Variants in HTR2A observed in about 807,000 individuals in gnomAD.
HTR2A encodes 5-hydroxytryptamine receptor 2A.
A neutral mutation model predicts 31.0 loss-of-function variants in HTR2A; 14 were observed. That is an observed-to-expected ratio of 0.45 (90% CI 0.30 to 0.71). HTR2A has a LOEUF of 0.71. Among genes scored for constraint, HTR2A ranks in the 30% least tolerant of loss-of-function variants. The probability of loss-of-function intolerance (pLI) is 0.09; values close to 1 mark genes in which losing one functional copy is unlikely to be tolerated. For synonymous variants in HTR2A, 209 were observed against 225.2 expected (o/e 0.93, Z 0.64); for missense variants, 442 against 573.3 (o/e 0.77, Z 2.34).
At chr13:46,852,674 T>G (rs549506211) in intron 3 of HTR2A, among the ~76,000 whole-genome samples, 1 of 152,308 alleles carries the variant, frequency 6.6e-6, no homozygotes, top group African/African-American at 2.4e-5. Context: ...TGTAGACAGG[T>G]GGGGTGAAAT....
intron 3 of HTR2A, among the ~76,000 whole-genome samples, chr13:46,864,054 T>C (rs1049918804): frequency 5.3e-5 from 8 of 152,190 alleles, no homozygotes; most frequent in African/African-American, 1.7e-4. Context: ...AAAGAAAATG[T>C]GGTACATATA....
chr13:46,860,812 GC>G (rs1950773402), intron 3 of HTR2A, among the ~76,000 whole-genome samples: 1 of 152,126 alleles, frequency 6.6e-6, no homozygotes, highest in South Asian at 2.1e-4. Flanking sequence ...ATTAAGATTT[GC>G]TAATGGTTTT....
chr13:46,854,830 A>G (rs1408403434), intron 3 of HTR2A, among the ~76,000 whole-genome samples: 1 of 152,208 alleles, frequency 6.6e-6, no homozygotes, highest in Non-Finnish European at 1.5e-5. Context: ...TGTCCCCTCA[A>G]ATGATCCCCA....
chr13:46,897,280 A>T (rs1951112356), upstream of HTR2A, among the ~76,000 whole-genome samples: 1 of 152,172 alleles, frequency 6.6e-6, no homozygotes, highest in South Asian at 2.1e-4. Flanking sequence ...TTTAGGCTGA[A>T]GGGTGAAGAG....
intron 3 of HTR2A, among the ~76,000 whole-genome samples, chr13:46,850,985 G>T (rs2138199258): frequency 6.6e-6 from 1 of 152,292 alleles, no homozygotes; most frequent in South Asian, 2.1e-4. Context: ...ACCTATAGAT[G>T]ATTTCTGGGG....
intron 3 of HTR2A, among the ~76,000 whole-genome samples, chr13:46,888,470 G>A (rs1186421714): frequency 4.8e-5 from 7 of 147,026 alleles, no homozygotes; most frequent in African/African-American, 7.5e-5. Flanking sequence ...ATGAAGTGCT[G>A]AAAAAAAAAA....
At chr13:46,866,875 A>G (rs1950822386) in intron 3 of HTR2A, among the ~76,000 whole-genome samples, 1 of 152,104 alleles carries the variant, frequency 6.6e-6, no homozygotes, top group Non-Finnish European at 1.5e-5. Context: ...AAAAATACAA[A>G]GATTAGCTGG....
rs560513540 is a variant in HTR2A, at chr13:46,882,377, T to A, written c.613+10013A>T. Among the ~76,000 whole-genome samples, 3 of 152,326 alleles carry A rather than the reference T, an allele frequency of 2.0e-5. No individual in the cohort carries two copies. In the South Asian group the frequency reaches 6.2e-4, roughly 32 times the overall value. On this transcript the variant is annotated intron_variant, in intron 3 of 3. Transcript: ENST00000542664. The stretch of plus-strand genomic sequence containing the variant: ...TGCAGTAGATGGCAAAGGTGGTATA[T>A]GAAGTCTATGGGGAAACAAATGATG...
chr13:46,833,368 C>CTT lies in HTR2A; in HGVS notation c.*1467_*1468dup, dbSNP rs138503618. On this transcript the variant is annotated 3_prime_UTR_variant, in exon 4 of 4. Transcript: ENST00000542664. ...GTTTAGTCATTTTCTTTTTTTCTTT[C>CTT]TTTTTTTTTGTGATAGGGTCTCACT... 8.1e-3 allele frequency: 1,223 copies of CTT among 150,798 alleles called. 8 individuals carry two copies. Among genetic ancestry groups the CTT allele is most frequent in the Admixed American group, 0.012 (185 of 15,130 alleles). The allele number at this position is 150,798 out of a possible 1,614,324, so 9.3% of individuals were successfully genotyped here.
upstream of HTR2A, chr13:46,897,099 T>C: frequency 2.6e-6 from 1 of 382,920 alleles, no homozygotes; most frequent in Non-Finnish European, 4.6e-6. Flanking sequence ...GTGTATGTCA[T>C]AAGCTGCAAG....
chr13:46,893,661 A>G (rs1237084348), intron 2 of HTR2A, among the ~76,000 whole-genome samples: 1 of 152,242 alleles, frequency 6.6e-6, no homozygotes, highest in Admixed American at 6.5e-5. Context: ...CTGCTATATG[A>G]GGAAGGTTAG....
intron 3 of HTR2A, among the ~76,000 whole-genome samples, chr13:46,878,556 C>T (rs1950933879): frequency 6.6e-6 from 1 of 151,858 alleles, no homozygotes; most frequent in Admixed American, 6.6e-5. Context: ...AAGAAAAGGA[C>T]CCAGCAGAAG....
chr13:46,875,191 T>C (rs74461590), intron 3 of HTR2A, among the ~76,000 whole-genome samples: 1,552 of 152,314 alleles, frequency 0.01, 23 homozygotes, highest in African/African-American at 0.035. Context: ...TATGGGAATA[T>C]AGCCTACAAA....
intron 3 of HTR2A, among the ~76,000 whole-genome samples, chr13:46,856,585 T>A (rs560484276): frequency 6.7e-6 from 1 of 149,642 alleles, no homozygotes; most frequent in Non-Finnish European, 1.5e-5. Flanking sequence ...AGGCTTTAAC[T>A]CTCTTAGTTA....
At chr13:46,897,862 G>A (rs1394839065), upstream of HTR2A, among the ~76,000 whole-genome samples, 1 of 152,054 alleles carries the variant, frequency 6.6e-6, no homozygotes, top group Non-Finnish European at 1.5e-5. Context: ...GCTGCCCATT[G>A]GCTCCTTCCA....
Position 46,834,941 on chromosome 13 carries a change from T to C in HTR2A, c.1312A>G (p.Thr438Ala). 6.2e-7 allele frequency: 1 copy of C among 1,614,154 alleles called. No individual in the cohort carries two copies. Among genetic ancestry groups the C allele is most frequent in the Non-Finnish European group, 8.5e-7 (1 of 1,179,976 alleles). The stretch of plus-strand genomic sequence containing the variant: ...ACCATTGAGCAGTCATTATCTGTTG[T>C]CTTGGCATCTTGCTTTGAATTCTTT... ...QKKNSKQDAK[T>A]TDNDCSMVAL... Residue 438 changes from threonine (T) to alanine (A), a missense_variant, in exon 4 of 4, where the codon ACA becomes GCA. This residue lies in a region of HTR2A where 88 missense variants were observed against 83.1 expected (regional missense o/e 1.06). Coordinates refer to ENST00000542664, the MANE Select transcript of HTR2A (RefSeq NM_000621.5).
rs1362348429 is a variant in HTR2A, at chr13:46,834,683, C to G, written c.*154G>C. The G allele has an allele frequency of 1.7e-6, 1 of 601,012 alleles. No homozygotes were observed. Among genetic ancestry groups the G allele is most frequent in the African/African-American group, 1.8e-5 (1 of 54,076 alleles). The allele number at this position is 601,012 out of a possible 1,614,324, so 37.2% of individuals were successfully genotyped here. On this transcript the variant is annotated 3_prime_UTR_variant, in exon 4 of 4. Coordinates refer to ENST00000542664, the MANE Select transcript of HTR2A (RefSeq NM_000621.5). The stretch of plus-strand genomic sequence containing the variant: ...AGCACACATTTTGTAGCATTGAACC[C>G]CGCTTTTCATTGACAGAATAAAATG...
intron 3 of HTR2A, among the ~76,000 whole-genome samples, chr13:46,876,139 A>C (rs957069787): frequency 6.6e-6 from 1 of 152,126 alleles, no homozygotes; most frequent in Non-Finnish European, 1.5e-5. Flanking sequence ...CCATATCATA[A>C]CATCTTTCTT....
chr13:46,837,793 A>G (rs1456597524), intron 3 of HTR2A, among the ~76,000 whole-genome samples: 1 of 152,238 alleles, frequency 6.6e-6, no homozygotes, highest in Non-Finnish European at 1.5e-5. Context: ...GAGTTGATGT[A>G]ATATTCAACA....
Sources: gnomAD v4.1 joint callset for allele counts (sites outside exome capture counted in the v4.1 genomes callset) on GRCh38, gnomAD v4.1.1 for gene constraint, gnomAD v4.1.1 regional missense constraint, MANE v1.5 for transcripts, NCBI Gene and HGNC (gene_info 2026-07-23, HGNC 2026-07-21) for gene names.